The following WWOX variants were observed in gnomAD, a reference collection of about 807,000 sequenced individuals.
WWOX encodes WW domain containing oxidoreductase, also known as WW domain-containing oxidoreductase.
WWOX carries 69 observed loss-of-function variants against 46.2 expected under a neutral mutation model. The ratio of observed to expected loss-of-function variants is 1.49; its 90% CI spans 1.23 to 1.82. The LOEUF (loss-of-function observed/expected upper bound fraction) is 1.82. WWOX is among the 40% of genes most tolerant of loss of function. The pLI is 0.00. For synonymous variants in WWOX, 359 were observed against 202.6 expected, an observed-to-expected ratio of 1.77 and a Z score of -6.56; for missense variants, 919 against 542.6, an observed-to-expected ratio of 1.69 and a Z score of -6.89.
chr16:78,888,844 T>G (rs925331197), intron 8 of WWOX, among the ~76,000 whole-genome samples: 1 of 152,178 alleles, frequency 6.6e-6, no homozygotes, highest in Admixed American at 6.5e-5. Context: ...GTCTCAACTA[T>G]GTCTCAAGAC....
In WWOX at chr16:78,206,145, A is replaced by G. The variant is rs371757652; in HGVS notation, c.516+41856A>G. On this transcript the variant is annotated intron_variant, in intron 5 of 8. Coordinates refer to ENST00000566780, the MANE Select transcript of WWOX (RefSeq NM_016373.4). ...TAAGGAGTTTGAAATTTTTTATACTATGTTCTATTGGGAACCATTTCAGGG... is the reference window on the plus strand; with the variant it reads ...TAAGGAGTTTGAAATTTTTTATACTGTGTTCTATTGGGAACCATTTCAGGG... 7.4e-4 allele frequency among the ~76,000 whole-genome samples: 113 copies of G among 151,982 alleles called. 1 individual carries two copies. Among genetic ancestry groups the G allele is most frequent in the African/African-American group, 2.4e-3 (100 of 41,442 alleles).
At chr16:78,747,107 C>G (rs763739931) in intron 8 of WWOX, among the ~76,000 whole-genome samples, 2 of 152,124 alleles carry the variant, frequency 1.3e-5, no homozygotes, top group Non-Finnish European at 2.9e-5. Flanking sequence ...TCCTGGGACC[C>G]ACAGAGCCTA....
intron 8 of WWOX, among the ~76,000 whole-genome samples, chr16:79,147,215 C>T (rs1176884196): frequency 2.0e-5 from 3 of 152,190 alleles, no homozygotes; most frequent in Non-Finnish European, 4.4e-5. Context: ...CACAAAATTC[C>T]CTTGCGTTGC....
intron 8 of WWOX, among the ~76,000 whole-genome samples, chr16:79,166,285 AG>A (rs1371301690): frequency 6.6e-6 from 1 of 152,224 alleles, no homozygotes; most frequent in Non-Finnish European, 1.5e-5. Flanking sequence ...TGGGTGTTTC[AG>A]CCAGGGCTTT....
At chr16:78,583,684 G>C (rs568926326) in intron 8 of WWOX, among the ~76,000 whole-genome samples, 5 of 152,180 alleles carry the variant, frequency 3.3e-5, no homozygotes, top group African/African-American at 7.2e-5. Context: ...GGGTTGGGGG[G>C]GTTGCTTGGC....
intron 6 of WWOX, among the ~76,000 whole-genome samples, chr16:78,403,274 A>G (rs988557935): frequency 6.6e-6 from 1 of 152,252 alleles, no homozygotes; most frequent in African/African-American, 2.4e-5. Flanking sequence ...CACTCCCTGC[A>G]TTAAAACTGT....
At chr16:79,005,063 G>C (rs13332888) in intron 8 of WWOX, among the ~76,000 whole-genome samples, 41,477 of 152,116 alleles carry the variant, frequency 0.27, 5,871 homozygotes, top group Middle Eastern at 0.4. Flanking sequence ...ATCAGCCCCT[G>C]TACTGGGCAC....
At chr16:78,834,788 T>A (rs1484334938) in intron 8 of WWOX, among the ~76,000 whole-genome samples, 1 of 152,180 alleles carries the variant, frequency 6.6e-6, no homozygotes, top group Admixed American at 6.5e-5. Context: ...AATCATTACA[T>A]TAGTTTACCC....
chr16:78,749,653 C>G (rs1156519776), intron 8 of WWOX, among the ~76,000 whole-genome samples: 2 of 152,126 alleles, frequency 1.3e-5, no homozygotes, highest in African/African-American at 4.8e-5. Context: ...GTTTTCTGGT[C>G]TAGCTAAGGA....
chr16:78,972,377 C>A (rs1470380197), intron 8 of WWOX, among the ~76,000 whole-genome samples: 2 of 151,362 alleles, frequency 1.3e-5, no homozygotes, highest in South Asian at 2.1e-4. Context: ...TATTTCAAAG[C>A]AGGATCTTAA....
intron 8 of WWOX, among the ~76,000 whole-genome samples, chr16:78,796,191 C>T (rs1173012367): frequency 6.6e-6 from 1 of 152,200 alleles, no homozygotes; most frequent in Non-Finnish European, 1.5e-5. Context: ...ACTCCTAGAA[C>T]TGTCGTTGAT....
At position 79,008,652 on chromosome 16, in the gene WWOX, T is replaced by C. The variant is rs1566880; in HGVS notation, c.1057-202956T>C. Reference sequence around the variant, plus strand: ...ATGGAAGGACAGAGCTTGGGCATGCTCCCGACACCAGGTCATACTGATGTC... The same window carrying C: ...ATGGAAGGACAGAGCTTGGGCATGCCCCCGACACCAGGTCATACTGATGTC... On this transcript the variant is annotated intron_variant, in intron 8 of 8. Transcript: ENST00000566780. Among the ~76,000 whole-genome samples, 853 of 152,238 alleles carry C rather than the reference T, an allele frequency of 5.6e-3. 5 individuals are homozygous for C. Among genetic ancestry groups the C allele is most frequent in the African/African-American group, 0.019 (774 of 41,548 alleles).
intron 8 of WWOX, among the ~76,000 whole-genome samples, chr16:78,661,155 A>T (rs371014053): frequency 2.0e-5 from 3 of 152,166 alleles, no homozygotes; most frequent in East Asian, 3.9e-4. Flanking sequence ...AACTTCACCA[A>T]AATTACTAAA....
At chr16:79,017,495 G>A (rs1174130097) in intron 8 of WWOX, 6 of 145,466 alleles carry the variant, frequency 4.1e-5, no homozygotes, top group South Asian at 2.2e-4. Context: ...GCTAGAGCAC[G>A]GATGAGCAAA....
intron 8 of WWOX, among the ~76,000 whole-genome samples, chr16:78,543,679 A>G (rs140760643): frequency 0.01 from 1,557 of 152,304 alleles, 25 homozygotes; most frequent in Middle Eastern, 0.044. Context: ...CATCAAGACT[A>G]TAAGACCCAA....
chr16:79,081,712 A>C (rs915630879), intron 8 of WWOX, among the ~76,000 whole-genome samples: 1 of 152,132 alleles, frequency 6.6e-6, no homozygotes, highest in Non-Finnish European at 1.5e-5. Flanking sequence ...GCCCAGTGAC[A>C]GGAATTTAGA....
intron 8 of WWOX, among the ~76,000 whole-genome samples, chr16:78,665,259 A>C (rs1280208212): frequency 6.6e-6 from 1 of 152,194 alleles, no homozygotes; most frequent in South Asian, 2.1e-4. Flanking sequence ...ACATCTTGCC[A>C]CGCACATCCT....
At chr16:78,362,466 A>G (rs1822912465) in intron 5 of WWOX, among the ~76,000 whole-genome samples, 1 of 152,024 alleles carries the variant, frequency 6.6e-6, no homozygotes, top group Admixed American at 6.6e-5. Context: ...AAAAATTAAC[A>G]GGCGTGGTGG....
chr16:78,200,353 T>C (rs2036192946), intron 5 of WWOX, among the ~76,000 whole-genome samples: 2 of 151,636 alleles, frequency 1.3e-5, no homozygotes, highest in Non-Finnish European at 2.9e-5. Context: ...GTTGGGGCAT[T>C]CGCTCTTACA....
Sources: gnomAD v4.1 joint callset for allele counts (sites outside exome capture counted in the v4.1 genomes callset) on GRCh38, gnomAD v4.1.1 for gene constraint, MANE v1.5 for transcripts, NCBI Gene and HGNC (gene_info 2026-07-23, HGNC 2026-07-21) for gene names.